PAXIP1: variants seen among roughly 807,000 people sequenced by gnomAD.
PAXIP1 encodes the protein PAX interacting protein 1, also known as PAX-interacting protein 1.
Under a neutral mutation model 140.6 loss-of-function variants are expected in PAXIP1, and 19 were observed. The ratio of observed to expected loss-of-function variants is 0.14; its 90% CI spans 0.09 to 0.20. PAXIP1 has a LOEUF of 0.20. PAXIP1 is among the 10% of genes least tolerant of loss of function. The pLI, the probability that PAXIP1 is intolerant of heterozygous loss-of-function variation, is 1.00. For missense variants in PAXIP1, 920 were observed against 1,208.6 expected, an observed-to-expected ratio of 0.76 and a Z score of 3.54; for synonymous variants, 442 against 444.6, an observed-to-expected ratio of 0.99 and a Z score of 0.07.
chr7:154,945,510 C>T (rs1195919671), intron 20 of PAXIP1: 18 of 985,126 alleles, frequency 1.8e-5, no homozygotes, highest in Non-Finnish European at 2.0e-5. Flanking sequence ...CTGACCTCTG[C>T]GCCTTACTGA....
At chr7:154,992,820 C>T (rs1173736762) in intron 3 of PAXIP1, among the ~76,000 whole-genome samples, 1 of 152,032 alleles carries the variant, frequency 6.6e-6, no homozygotes, top group Non-Finnish European at 1.5e-5. Context: ...TTCTACACAT[C>T]CTCCAAGAAG....
intron 15 of PAXIP1, among the ~76,000 whole-genome samples, chr7:154,955,204 C>T (rs894198802): frequency 2.2e-4 from 34 of 152,212 alleles, no homozygotes; most frequent in Admixed American, 4.6e-4. Flanking sequence ...CTTGAAAAGA[C>T]AGTTTTCCTT....
In PAXIP1 at chr7:155,002,871, G is replaced by A; in HGVS notation, c.59C>T (p.Ala20Val). The A allele has an allele frequency of 2.8e-6, 4 of 1,418,372 alleles. No individual in the cohort carries two copies. Among genetic ancestry groups the A allele is most frequent in the Non-Finnish European group, 2.8e-6 (3 of 1,066,832 alleles). 87.9% of individuals were successfully genotyped at this position (1,418,372 alleles called of 1,614,324 possible). A position where few individuals can be genotyped will look rare whatever the true frequency, so the allele number is the denominator to read the frequency against. Residue 20 changes from alanine to valine, a missense_variant, in exon 1 of 21, where the codon GCG becomes GTG. Coordinates refer to ENST00000404141, the MANE Select transcript of PAXIP1 (RefSeq NM_007349.4). The stretch of plus-strand genomic sequence containing the variant: ...TACCTGCGGGTCGATGTCGCCCACC[G>A]CGTAATACTTGACCTCCCTGAACAT... ...EEMFREVKYY[A>V]VGDIDPQVIQ...
chr7:154,957,970 T>A, intron 13 of PAXIP1, among the ~76,000 whole-genome samples: 1 of 82,416 alleles, frequency 1.2e-5, no homozygotes, highest in African/African-American at 4.2e-5. Flanking sequence ...CGAGACTCCG[T>A]CTCAAAAAAA....
At chr7:154,969,225 A>G in intron 6 of PAXIP1, 99 bp from the exon 7 acceptor site, 1 of 1,238,904 alleles carries the variant, frequency 8.1e-7, no homozygotes, top group Non-Finnish European at 1.1e-6. Flanking sequence ...TTTATTAACA[A>G]TATTCAACTA....
At chr7:155,002,823 G>A (rs1430907000) in intron 1 of PAXIP1, 26 bp downstream of exon 1, 1 of 1,341,102 alleles carries the variant, frequency 7.5e-7, no homozygotes, top group South Asian at 1.5e-5. Context: ...CGGGGGAGGA[G>A]GCCGCGGCAG....
Position 154,986,545 on chromosome 7 carries a change from A to C in PAXIP1, c.325-3213T>G, listed in dbSNP as rs1810084762. ...GTACCCATCAAGGATTTGTTGGACC[A>C]AAGTCCCTTAGCTGCACACTGTACA... is the stretch of plus-strand genomic sequence containing the variant. On this transcript the variant is annotated intron_variant, in intron 4 of 20. Transcript: ENST00000404141. This position sits in a 1 kb window ranked among gnomAD's most constrained non-coding sequence, Gnocchi z 4.8. Among the ~76,000 whole-genome samples, 1 of 152,230 alleles carries C rather than the reference A, an allele frequency of 6.6e-6. No homozygotes were observed. The highest frequency in any genetic ancestry group is 2.4e-5 in the African/African-American group (1 of 41,456).
intron 5 of PAXIP1, among the ~76,000 whole-genome samples, chr7:154,982,141 C>T (rs1809866314): frequency 6.6e-6 from 1 of 152,150 alleles, no homozygotes; most frequent in Admixed American, 6.5e-5. Flanking sequence ...ACTATTTTAA[C>T]CAAAGCATAC....
At chr7:154,982,110 AC>A (rs1809865464) in intron 5 of PAXIP1, among the ~76,000 whole-genome samples, 1 of 152,254 alleles carries the variant, frequency 6.6e-6, no homozygotes, top group Non-Finnish European at 1.5e-5. Context: ...CTATAAATCA[AC>A]ATTAATGTAA....
Position 154,962,389 on chromosome 7 carries a change from C to G in PAXIP1, c.2059G>C (p.Val687Leu). The change falls in exon 10 of 21, where the codon GTA becomes CTA. Residue 687 changes from valine to leucine, a missense_variant. This residue lies in a region of PAXIP1 where 303 missense variants were observed against 517.9 expected (regional missense o/e 0.59). Coordinates refer to ENST00000404141, the MANE Select transcript of PAXIP1 (RefSeq NM_007349.4). ...LNTVLKKKKM[V>L]PPHRALHFPV... is the part of the protein sequence containing the mutation. ...AAGTGAAGGGCTCGGTGCGGCGGTA[C>G]CATTTTCTTCTTCTTTAAGACTGTG... 1 of 1,612,060 alleles carries G rather than the reference C, an allele frequency of 6.2e-7. No individual in the cohort carries two copies. The highest frequency in any genetic ancestry group is 1.3e-5 in the African/African-American group (1 of 74,500).
rs138976583 is a variant in PAXIP1, at chr7:154,960,279, T to C, written c.2435-346A>G. ...CCTGTGTCCAAGTCTGGGTTTCACA[T>C]AGTCTGGCTTCTAGCAGGCACAAAC... is the stretch of plus-strand genomic sequence containing the variant. On this transcript the variant is annotated intron_variant, in intron 12 of 20. Coordinates refer to ENST00000404141, the MANE Select transcript of PAXIP1 (RefSeq NM_007349.4). Among the ~76,000 whole-genome samples, 18 of 152,272 alleles carry C rather than the reference T, an allele frequency of 1.2e-4. No homozygotes were observed. In the East Asian group the frequency reaches 2.9e-3, roughly 24 times the overall value.
intron 12 of PAXIP1, 49 bp downstream of exon 12, chr7:154,960,844 C>T: frequency 7.7e-7 from 1 of 1,304,302 alleles, no homozygotes; most frequent in Non-Finnish European, 1.0e-6. Context: ...AGAAGTAATG[C>T]TAATGATTTT....
chr7:154,957,896 A>T (rs1000742558), intron 13 of PAXIP1, among the ~76,000 whole-genome samples: 1 of 147,724 alleles, frequency 6.8e-6, no homozygotes, highest in Admixed American at 6.9e-5. Flanking sequence ...GAACCCGGGA[A>T]GCGGAGCTTG....
At chr7:154,971,625 T>A (rs1216071128) in intron 6 of PAXIP1, among the ~76,000 whole-genome samples, 2 of 152,260 alleles carry the variant, frequency 1.3e-5, no homozygotes, top group Non-Finnish European at 1.5e-5. Flanking sequence ...ATTACGTAAT[T>A]GTGCTATACT....
intron 6 of PAXIP1, among the ~76,000 whole-genome samples, chr7:154,971,168 G>A (rs574543065): frequency 6.6e-6 from 1 of 152,366 alleles, no homozygotes; most frequent in African/African-American, 2.4e-5. Context: ...TGATCTCAGA[G>A]GGCTGAGGGA....
chr7:154,965,603 G>A (rs1344824641), intron 8 of PAXIP1: 4 of 152,154 alleles, frequency 2.6e-5, no homozygotes, highest in Admixed American at 2.6e-4. Context: ...AAACGACGAG[G>A]ATGAAGACCT....
chr7:154,996,583 G>A (rs1239530325), intron 2 of PAXIP1, among the ~76,000 whole-genome samples: 1 of 152,142 alleles, frequency 6.6e-6, no homozygotes, highest in African/African-American at 2.4e-5. Flanking sequence ...ATTCTGAAAT[G>A]TCACCTCACA....
chr7:154,968,634 G>T lies in PAXIP1; in HGVS notation c.1567C>A (p.Leu523Met), dbSNP rs901813984. 3 of 714,816 alleles carry T rather than the reference G, an allele frequency of 4.2e-6. No individual in the cohort carries two copies. The highest frequency in any genetic ancestry group is 5.2e-6 in the Non-Finnish European group (2 of 384,396). 44.3% of individuals were successfully genotyped at this position (714,816 alleles called of 1,614,324 possible). The change falls in exon 7 of 21, where the codon CTG (leucine) becomes ATG (methionine). Residue 523 changes from leucine (L) to methionine (M), a missense_variant. Around this residue, in one of 5 missense-constraint regions of PAXIP1, gnomAD observed 133 missense variants for 88.4 expected, o/e 1.50. Coordinates refer to ENST00000404141, the MANE Select transcript of PAXIP1 (RefSeq NM_007349.4). ...QLAQLQQQHS[L>M]LQQQQQQQIQ... ...TGCTGTTGCTGCTGCTGCTGGAGCAGGCTGTGCTGCTGCTGGAGCTGGGCA... is the reference window on the plus strand; with the variant it reads ...TGCTGTTGCTGCTGCTGCTGGAGCATGCTGTGCTGCTGCTGGAGCTGGGCA...
Position 154,969,022 on chromosome 7 carries a change from T to C in PAXIP1, c.1179A>G (p.Lys393=). ...GTAGCATGTGTGTCTCTGGAGTCAC[T>C]TTCACTTGGCTAAACAGCACTGCAT... ...NANAVLFSQV[K]VTPETHMLQQ... is the part of the protein sequence containing the mutation. The change falls in exon 7 of 21, where the codon AAA becomes AAG. Residue 393 remains lysine (K), a synonymous_variant. Coordinates refer to ENST00000404141, the MANE Select transcript of PAXIP1 (RefSeq NM_007349.4). The C allele has an allele frequency of 6.5e-7, 1 of 1,550,250 alleles. No individual in the cohort carries two copies. Among genetic ancestry groups the C allele is most frequent in the Non-Finnish European group, 8.7e-7 (1 of 1,146,302 alleles).
Sources: gnomAD v4.1 joint callset for allele counts (sites outside exome capture counted in the v4.1 genomes callset) on GRCh38, gnomAD v4.1.1 for gene constraint, gnomAD v4.1.1 regional missense constraint, Gnocchi (gnomAD v3.1) non-coding constraint, MANE v1.5 for transcripts, NCBI Gene and HGNC (gene_info 2026-07-23, HGNC 2026-07-21) for gene names.